The following UBN1 variants were observed in gnomAD, a reference collection of about 807,000 sequenced individuals.
The protein encoded by UBN1 is ubinuclein 1.
In UBN1, 17 loss-of-function variants were observed where a neutral mutation model predicts 108.5. The ratio of observed to expected loss-of-function variants is 0.16; its 90% CI spans 0.11 to 0.24. The LOEUF is 0.24. Among genes scored for constraint, UBN1 ranks in the 10% least tolerant of loss-of-function variants. UBN1 has a pLI of 1.00. For missense variants in UBN1, 1,595 were observed against 1,394.4 expected (o/e 1.14, Z -2.29); for synonymous variants, 726 against 564.2 (o/e 1.29, Z -4.07).
At chr16:4,857,186 T>C (rs2086853495) in intron 2 of UBN1, among the ~76,000 whole-genome samples, 1 of 150,824 alleles carries the variant, frequency 6.6e-6, no homozygotes, top group African/African-American at 2.4e-5. Flanking sequence ...TACAAAAAAC[T>C]TAAAAAAAAA....
intron 1 of UBN1, among the ~76,000 whole-genome samples, chr16:4,851,488 G>C (rs1164470312): frequency 6.6e-6 from 1 of 151,990 alleles, no homozygotes; most frequent in African/African-American, 2.4e-5. Context: ...TCTTCTATAA[G>C]ATCTGGTTGG....
rs144956771 is a variant in UBN1 at position 4,858,019 on chromosome 16, C to T, written c.279C>T (p.Asp93=). Residue 93 remains aspartate, a synonymous_variant, in exon 3 of 18, where the codon GAC becomes GAT. Transcript: ENST00000262376. ...KKKDLSDPFN[D]EEKERHKVEA... ...AAGATCTGTCAGATCCTTTCAATGACGAAGAAAAGGAAAGGCATAAAGTAG... is the reference window on the plus strand; with the variant it reads ...AAGATCTGTCAGATCCTTTCAATGATGAAGAAAAGGAAAGGCATAAAGTAG... The T allele has an allele frequency of 4.2e-5, 67 of 1,612,766 alleles. No individual in the cohort carries two copies. The highest frequency in any genetic ancestry group is 8.4e-5 in the Admixed American group (5 of 59,756).
At chr16:4,858,543 G>GTAATC in intron 3 of UBN1, 25 bp from the exon 4 acceptor site, 1 of 1,601,836 alleles carries the variant, frequency 6.2e-7, no homozygotes. Context: ...CAAAAAGCAT[G>GTAATC]TAATCTATTG....
chr16:4,848,904 C>A (rs1341418629), intron 1 of UBN1, among the ~76,000 whole-genome samples: 1 of 152,114 alleles, frequency 6.6e-6, no homozygotes, highest in East Asian at 1.9e-4. Context: ...AGTTCGAGAC[C>A]AGCCTGGCCA....
intron 4 of UBN1, 62 bp downstream of exon 4, chr16:4,858,725 A>C: frequency 6.5e-7 from 1 of 1,534,192 alleles, no homozygotes; most frequent in Non-Finnish European, 9.0e-7. Context: ...CCTGATACTG[A>C]CCAGGAAGCT....
Position 4,853,185 on chromosome 16 carries a change from A to G in UBN1, c.249+19A>G, listed in dbSNP as rs1391837638. ...AGATAAGGTACACCCCTTTGTTCCC[A>G]GAGGCGCTGCAGGTTTAACGCACAG... On this transcript the variant is annotated intron_variant, in intron 2 of 17. Coordinates refer to ENST00000262376, the MANE Select transcript of UBN1 (RefSeq NM_001079514.3). The G allele has an allele frequency of 6.2e-7, 1 of 1,613,088 alleles. No homozygotes were observed. The highest frequency in any genetic ancestry group is 1.3e-5 in the African/African-American group (1 of 75,026).
chr16:4,871,225 G>A lies in UBN1; in HGVS notation c.1630G>A (p.Ala544Thr). ...QDLERNNKAQAWEDCVKGFLD... is the reference protein window; with the variant it reads ...QDLERNNKAQTWEDCVKGFLD... Reference sequence around the variant, plus strand: ...CCTGGAGAGGAACAACAAAGCCCAGGCTTGGGAGGACTGTGTGAAGGGCTT... The same window carrying A: ...CCTGGAGAGGAACAACAAAGCCCAGACTTGGGAGGACTGTGTGAAGGGCTT... Residue 544 changes from alanine (A) to threonine (T), a missense_variant, in exon 12 of 18, where the codon GCT becomes ACT. Around this residue, in one of 3 missense-constraint regions of UBN1, gnomAD observed 1,398 missense variants for 1,194.7 expected, o/e 1.17. Coordinates refer to ENST00000262376, the MANE Select transcript of UBN1 (RefSeq NM_001079514.3). 1 of 1,614,264 alleles carries A rather than the reference G, an allele frequency of 6.2e-7. No individual in the cohort carries two copies. The highest frequency in any genetic ancestry group is 8.5e-7 in the Non-Finnish European group (1 of 1,180,044).
In UBN1 at chr16:4,859,027, T is replaced by C. The variant is rs2086933942; in HGVS notation, c.435T>C (p.Tyr145=). 1.2e-6 allele frequency: 2 copies of C among 1,612,808 alleles called. No homozygotes were observed. Among genetic ancestry groups the C allele is most frequent in the South Asian group, 2.2e-5 (2 of 90,726 alleles). The part of the protein sequence containing the change: ...SDSFIDNSEA[Y]DELVPASLTT... ...GACAGTTTGTTTCCCATCTTCAGTA[T>C]GATGAGCTTGTTCCTGCTTCTTTGA... Residue 145 remains tyrosine, a splice_region_variant and synonymous_variant, in exon 5 of 18, where the codon TAT becomes TAC. Coordinates refer to ENST00000262376, the MANE Select transcript of UBN1 (RefSeq NM_001079514.3).
intron 7 of UBN1, among the ~76,000 whole-genome samples, chr16:4,861,662 C>T (rs927108796): frequency 2.6e-5 from 4 of 152,234 alleles, no homozygotes; most frequent in African/African-American, 9.6e-5. Flanking sequence ...CCACCATCGG[C>T]AGGGTGCAGT....
At chr16:4,872,070 A>G (rs1385560911) in intron 12 of UBN1, 1 of 476,846 alleles carries the variant, frequency 2.1e-6, no homozygotes, top group Non-Finnish European at 2.7e-6. Flanking sequence ...CGAATGAAGT[A>G]TTTGTGTCAT....
chr16:4,877,911 G>A lies in UBN1; in HGVS notation c.3355+437G>A. The A allele has an allele frequency of 1.1e-6, 1 of 883,122 alleles. No individual in the cohort carries two copies. The highest frequency in any genetic ancestry group is 1.4e-6 in the Non-Finnish European group (1 of 736,284). The allele number at this position is 883,122 out of a possible 1,614,324, so 54.7% of individuals were successfully genotyped here. A position where few individuals can be genotyped will look rare whatever the true frequency, so the allele number is the denominator to read the frequency against. On this transcript the variant is annotated intron_variant, in intron 17 of 17. Transcript: ENST00000262376. This position sits in a 1 kb window ranked among gnomAD's most constrained non-coding sequence, Gnocchi z 4.3. Reference sequence around the variant, plus strand: ...TGTCAGATGTGATTGCTTAACAGAAGGCTCTCTAAACTTTGTTTCCATTAA... The same window carrying A: ...TGTCAGATGTGATTGCTTAACAGAAAGCTCTCTAAACTTTGTTTCCATTAA...
chr16:4,870,649 G>C lies in UBN1; in HGVS notation c.1430+15G>C. 6.2e-7 allele frequency: 1 copy of C among 1,613,940 alleles called. No individual in the cohort carries two copies. ...AAGGTTGCCAAGTAAGTTTGTCCTG[G>C]CGCTTGCAGGTGCAACCCTCCCGTC... On this transcript the variant is annotated intron_variant, in intron 10 of 17. Transcript: ENST00000262376.
intron 8 of UBN1, among the ~76,000 whole-genome samples, chr16:4,869,826 G>A (rs1293176436): frequency 6.6e-6 from 1 of 152,138 alleles, no homozygotes; most frequent in Non-Finnish European, 1.5e-5. Context: ...TGATAAACGT[G>A]GGGACTGGGG....
rs1253661573 is a variant in UBN1 at position 4,859,120 on chromosome 16, A to C, written c.528A>C (p.Glu176Asp). Reference sequence around the variant, plus strand: ...AGTTTAGACAAGCATCAGAGTCTGAAGATGACTTCATTAAAGAAAAGAAGA... The same window carrying C: ...AGTTTAGACAAGCATCAGAGTCTGACGATGACTTCATTAAAGAAAAGAAGA... ...TLQFRQASES[E>D]DDFIKEKKKK... is the part of the protein sequence containing the mutation. The change falls in exon 5 of 18, where the codon GAA becomes GAC. Residue 176 changes from glutamate to aspartate, a missense_variant. Transcript: ENST00000262376. 6.2e-7 allele frequency: 1 copy of C among 1,614,146 alleles called. No individual in the cohort carries two copies. Among genetic ancestry groups the C allele is most frequent in the South Asian group, 1.1e-5 (1 of 91,072 alleles).
Position 4,877,514 on chromosome 16 carries a change from C to A in UBN1, c.3355+40C>A, listed in dbSNP as rs376799734. On this transcript the variant is annotated intron_variant, in intron 17 of 17. Coordinates refer to ENST00000262376, the MANE Select transcript of UBN1 (RefSeq NM_001079514.3). The surrounding 1 kb of genome is among the most constrained non-coding windows in gnomAD (Gnocchi z 4.3). ...GTCAGTGTGCCACGCGCACCGTGTGCCTTTGCCCTCTCCACCCCTAGGTGC... is the reference window on the plus strand; with the variant it reads ...GTCAGTGTGCCACGCGCACCGTGTGACTTTGCCCTCTCCACCCCTAGGTGC... The A allele has an allele frequency of 1.3e-6, 2 of 1,566,208 alleles. No individual in the cohort carries two copies. Among genetic ancestry groups the A allele is most frequent in the Admixed American group, 3.7e-5 (2 of 54,404 alleles).
intron 7 of UBN1, among the ~76,000 whole-genome samples, chr16:4,868,528 G>T (rs2087445729): frequency 6.6e-6 from 1 of 152,156 alleles, no homozygotes; most frequent in Admixed American, 6.5e-5. Context: ...ATGGGTGCAG[G>T]GGTTAGTTGG....
intron 8 of UBN1, among the ~76,000 whole-genome samples, chr16:4,869,796 T>C (rs561996833): frequency 7.2e-5 from 11 of 152,248 alleles, no homozygotes; most frequent in African/African-American, 2.6e-4. Context: ...GGGTGAGGCT[T>C]TCCCTGACCT....
In UBN1 at chr16:4,853,205, G is replaced by T. The variant is rs375041211; in HGVS notation, c.249+39G>T. ...TTCCCAGAGGCGCTGCAGGTTTAAC[G>T]CACAGGGGTCAGTGCATGCATGTGG... On this transcript the variant is annotated intron_variant, in intron 2 of 17. Coordinates refer to ENST00000262376, the MANE Select transcript of UBN1 (RefSeq NM_001079514.3). 34 of 1,608,252 alleles carry T rather than the reference G, an allele frequency of 2.1e-5. No homozygotes were observed. The African/African-American group carries it at 3.2e-4, about 15-fold the overall frequency.
rs1166542941 is a variant in UBN1, at chr16:4,860,676, C to A, written c.684C>A (p.Leu228=). The A allele has an allele frequency of 6.2e-7, 1 of 1,611,608 alleles. No individual in the cohort carries two copies. The highest frequency in any genetic ancestry group is 1.3e-5 in the African/African-American group (1 of 74,690). Residue 228 remains leucine (L), a synonymous_variant, in exon 7 of 18, where the codon CTC becomes CTA. Transcript: ENST00000262376. ...SKFSKAGFTA[L]NASKEKKKKK... ...CTCTTGCTTGCAGCTTCACAGCCCT[C>A]AATGCCAGTAAGGAGAAGAAGAAGA...
Sources: allele counts gnomAD v4.1 joint callset (sites outside exome capture counted in the v4.1 genomes callset), GRCh38; gene constraint gnomAD v4.1.1; regional missense constraint gnomAD v4.1.1; non-coding constraint Gnocchi (gnomAD v3.1); transcripts MANE v1.5; gene names NCBI Gene and HGNC (gene_info 2026-07-23, HGNC 2026-07-21).